ARHGEF28: variants seen among roughly 807,000 people sequenced by gnomAD.
The protein encoded by ARHGEF28 is Rho guanine nucleotide exchange factor 28.
ARHGEF28 carries 152 observed loss-of-function variants against 206.6 expected under a neutral mutation model. The ratio of observed to expected loss-of-function variants is 0.74; its 90% CI spans 0.64 to 0.84. The LOEUF (loss-of-function observed/expected upper bound fraction) is 0.84. Among genes scored for constraint, ARHGEF28 ranks in the 40% least tolerant of loss-of-function variants. The probability of loss-of-function intolerance (pLI) is 0.00; values close to 1 mark genes in which losing one functional copy is unlikely to be tolerated. For synonymous variants in ARHGEF28, 763 were observed against 776.4 expected (o/e 0.98, Z 0.29); for missense variants, 2,028 against 2,073.2 (o/e 0.98, Z 0.42).
chr5:73,915,848 A>G (rs1228631618), intron 35 of ARHGEF28, among the ~76,000 whole-genome samples: 3 of 152,198 alleles, frequency 2.0e-5, no homozygotes, highest in Admixed American at 6.5e-5. Context: ...AGGTTTCCCA[A>G]AAGTTCTCTT....
intron 14 of ARHGEF28, 61 bp downstream of exon 14, chr5:73,852,753 C>A (rs1758783877): frequency 6.5e-7 from 1 of 1,550,246 alleles, no homozygotes; most frequent in African/African-American, 1.4e-5. Context: ...GAAATGTCCA[C>A]ACATCATTTT....
At chr5:73,714,027 T>C (rs1749421739) in intron 2 of ARHGEF28, among the ~76,000 whole-genome samples, 1 of 152,196 alleles carries the variant, frequency 6.6e-6, no homozygotes, top group African/African-American at 2.4e-5. Context: ...ATGAGCTGGG[T>C]GGTACAGGTC....
intron 21 of ARHGEF28, among the ~76,000 whole-genome samples, chr5:73,870,444 C>T (rs1417979923): frequency 6.6e-6 from 1 of 152,150 alleles, no homozygotes; most frequent in Admixed American, 6.5e-5. Context: ...TAATAATACT[C>T]AGGTTTTAAA....
At chr5:73,691,897 A>G (rs752949044) in intron 2 of ARHGEF28, among the ~76,000 whole-genome samples, 9 of 152,220 alleles carry the variant, frequency 5.9e-5, no homozygotes, top group African/African-American at 9.6e-5. Flanking sequence ...TTATATGTTG[A>G]TACTTTCATC....
chr5:73,854,602 G>T (rs554166137), intron 14 of ARHGEF28, among the ~76,000 whole-genome samples: 2 of 152,152 alleles, frequency 1.3e-5, no homozygotes, highest in East Asian at 3.9e-4. Context: ...AGGCAGAGGC[G>T]GGCGGATCAT....
rs1234585277 is a variant in ARHGEF28, at chr5:73,752,891, C to T, written c.182-18C>T. On this transcript the variant is annotated intron_variant, in intron 3 of 35. Coordinates refer to ENST00000513042, the MANE Select transcript of ARHGEF28 (RefSeq NM_001177693.2). Reference sequence around the variant, plus strand: ...TCCTACAGACTTGGGGTGAACTGTTCACTGTCTTGTTGTCCAGGCCATGGG... The same window carrying T: ...TCCTACAGACTTGGGGTGAACTGTTTACTGTCTTGTTGTCCAGGCCATGGG... 1.2e-6 allele frequency: 2 copies of T among 1,612,856 alleles called. No individual in the cohort carries two copies. Among genetic ancestry groups the T allele is most frequent in the African/African-American group, 1.3e-5 (1 of 74,914 alleles).
chr5:73,927,873 A>G (rs1580116934), intron 35 of ARHGEF28, among the ~76,000 whole-genome samples: 2 of 152,328 alleles, frequency 1.3e-5, no homozygotes, highest in East Asian at 1.9e-4. Context: ...CACAGTCTAT[A>G]TGTTAGGTTG....
intron 17 of ARHGEF28, among the ~76,000 whole-genome samples, 182 bp from the exon 18 acceptor site, chr5:73,865,783 C>T (rs1163545151): frequency 1.3e-5 from 2 of 152,268 alleles, no homozygotes; most frequent in East Asian, 3.9e-4. Context: ...TTATAACTTG[C>T]ACATTTTATT....
intron 16 of ARHGEF28, among the ~76,000 whole-genome samples, chr5:73,861,086 A>G (rs1312598619): frequency 6.6e-6 from 1 of 152,202 alleles, no homozygotes; most frequent in Non-Finnish European, 1.5e-5. Flanking sequence ...TGGATTATTT[A>G]CAGTCTCCTT....
At chr5:73,803,041 C>G (rs1311688733) in intron 9 of ARHGEF28, among the ~76,000 whole-genome samples, 4 of 152,074 alleles carry the variant, frequency 2.6e-5, no homozygotes, top group Admixed American at 6.6e-5. Context: ...TTTATTGGTA[C>G]AATTTACTTT....
intron 18 of ARHGEF28, among the ~76,000 whole-genome samples, chr5:73,866,302 A>C (rs896364128): frequency 2.0e-5 from 3 of 152,220 alleles, no homozygotes; most frequent in African/African-American, 7.2e-5. Context: ...TGTCTAGTGG[A>C]ATATGCTCTG....
rs1378548618 is a variant in ARHGEF28, at chr5:73,776,785, G to A, written c.840+89G>A. The A allele has an allele frequency of 1.2e-5, 16 of 1,284,458 alleles. No homozygotes were observed. The East Asian group carries it at 2.4e-4, about 19-fold the overall frequency. The allele number at this position is 1,284,458 out of a possible 1,614,324, so 79.6% of individuals were successfully genotyped here. On this transcript the variant is annotated intron_variant, in intron 6 of 35. Transcript: ENST00000513042. ...TTATTATGAGAACAGTGTTTTTTGG[G>A]GGTAGGACTTTTTTTAATGAAACCT... is the stretch of plus-strand genomic sequence containing the variant.
chr5:73,677,522 A>G (rs796098309), intron 1 of ARHGEF28, among the ~76,000 whole-genome samples: 6 of 152,384 alleles, frequency 3.9e-5, no homozygotes, highest in African/African-American at 1.2e-4. Context: ...TCAGAATTTC[A>G]TAAAGTCAAG....
At chr5:73,937,349 T>A (rs1229775862) in intron 35 of ARHGEF28, among the ~76,000 whole-genome samples, 1 of 152,228 alleles carries the variant, frequency 6.6e-6, no homozygotes, top group Non-Finnish European at 1.5e-5. Context: ...AGCTCAGTAA[T>A]GTAGCAGAAA....
chr5:73,717,811 T>C lies in ARHGEF28; in HGVS notation c.34-32026T>C, dbSNP rs941163264. Among the ~76,000 whole-genome samples, 9 of 152,312 alleles carry C rather than the reference T, an allele frequency of 5.9e-5. No homozygotes were observed. In the South Asian group the frequency reaches 8.3e-4, roughly 14 times the overall value. On this transcript the variant is annotated intron_variant, in intron 2 of 35. Transcript: ENST00000513042. ...TGTATCAATCAGAGCAATAATGAAC[T>C]GTTGCTGTTGGACATGGAAATGATG... is the stretch of plus-strand genomic sequence containing the variant.
At chr5:73,911,079 C>A (rs1169611482) in intron 34 of ARHGEF28, among the ~76,000 whole-genome samples, 196 bp from the exon 35 acceptor site, 1 of 151,990 alleles carries the variant, frequency 6.6e-6, no homozygotes, top group African/African-American at 2.4e-5. Flanking sequence ...TAAAGATATG[C>A]CATGCATAGC....
At chr5:73,803,179 T>G (rs768768322) in intron 9 of ARHGEF28, 8 of 153,834 alleles carry the variant, frequency 5.2e-5, no homozygotes, top group Non-Finnish European at 1.0e-4. Context: ...TGATTTGGAA[T>G]GAGAATTAAA....
At chr5:73,822,398 T>C (rs1579940278) in intron 9 of ARHGEF28, among the ~76,000 whole-genome samples, 1 of 152,220 alleles carries the variant, frequency 6.6e-6, no homozygotes, top group East Asian at 1.9e-4. Context: ...CCCTGGGTTC[T>C]CTCAGATATT....
chr5:73,748,922 C>A (rs966635646), intron 2 of ARHGEF28, among the ~76,000 whole-genome samples: 3 of 152,266 alleles, frequency 2.0e-5, no homozygotes, highest in Middle Eastern at 6.8e-3. Context: ...CTGCTGTTCC[C>A]CTGGGTGCAA....
Sources: gnomAD v4.1 joint callset for allele counts (sites outside exome capture counted in the v4.1 genomes callset) on GRCh38, gnomAD v4.1.1 for gene constraint, MANE v1.5 for transcripts, NCBI Gene and HGNC (gene_info 2026-07-23, HGNC 2026-07-21) for gene names.